ERBIN: variants seen among roughly 807,000 people sequenced by gnomAD.
ERBIN encodes densin-180-like protein.
A neutral mutation model predicts 158.4 loss-of-function variants in ERBIN; 60 were observed. The ratio of observed to expected loss-of-function variants is 0.38; its 90% CI spans 0.31 to 0.47. The LOEUF is 0.47. ERBIN is among the 20% of genes least tolerant of loss of function. The pLI is 0.99. For missense variants in ERBIN, 1,610 were observed against 1,648.0 expected (o/e 0.98, Z 0.40); for synonymous variants, 594 against 557.2 (o/e 1.07, Z -0.93).
At chr5:66,050,994 A>G in intron 20 of ERBIN, 28 bp downstream of exon 20, 2 of 1,455,046 alleles carry the variant, frequency 1.4e-6, no homozygotes, top group East Asian at 2.3e-5. Context: ...ACAGTTTTTT[A>G]TTTATACAAT....
chr5:66,076,547 CT>C, intron 24 of ERBIN, 139 bp downstream of exon 24: 1 of 712,312 alleles, frequency 1.4e-6, no homozygotes, highest in South Asian at 1.7e-5. Context: ...TATTGCTTAC[CT>C]TTTTGTTTTG....
At chr5:66,022,447 T>G (rs78709807) in intron 8 of ERBIN, among the ~76,000 whole-genome samples, 1,700 of 152,306 alleles carry the variant, frequency 0.011, 26 homozygotes, top group African/African-American at 0.038. Context: ...AAGTTACATC[T>G]GGGATTCTTA....
intron 1 of ERBIN, among the ~76,000 whole-genome samples, chr5:65,985,081 G>A (rs1216393205): frequency 1.3e-5 from 2 of 152,134 alleles, no homozygotes; most frequent in East Asian, 3.9e-4. Context: ...TTGGAAAAAG[G>A]AATCACATGA....
At chr5:65,956,571 G>T (rs1747168594) in intron 1 of ERBIN, among the ~76,000 whole-genome samples, 1 of 150,562 alleles carries the variant, frequency 6.6e-6, no homozygotes, top group Admixed American at 6.6e-5. Flanking sequence ...GGTACAGATG[G>T]TGTTTTGCCA....
Position 66,053,532 on chromosome 5 carries a change from A to G in ERBIN, c.2214A>G (p.Glu738=). 6.2e-7 allele frequency: 1 copy of G among 1,611,788 alleles called. No individual in the cohort carries two copies. The highest frequency in any genetic ancestry group is 1.1e-5 in the South Asian group (1 of 90,748). Residue 738 remains glutamate (E), a synonymous_variant, in exon 21 of 26, where the codon GAA becomes GAG. Coordinates refer to ENST00000284037, the MANE Select transcript of ERBIN (RefSeq NM_001253697.2). The part of the protein sequence containing the change: ...FNLPEYDLNV[E]ERLVLIEKSV... ...TACCTGAATATGATTTGAATGTTGA[A>G]GAGCGATTAGTTCTAATTGAGAAAA...
rs1554065281 is a variant in ERBIN, at chr5:66,051,907, A to AAAAAAAAAAAAAAAAAAAAG, written c.2087+942_2087+943insAAAAAAAAAAAAAAAAAAGA. Among the ~76,000 whole-genome samples, 134 of 148,826 alleles carry AAAAAAAAAAAAAAAAAAAAG rather than the reference A, an allele frequency of 9.0e-4. 1 individual carries two copies. Among genetic ancestry groups the AAAAAAAAAAAAAAAAAAAAG allele is most frequent in the African/African-American group, 3.3e-3 (129 of 39,112 alleles). On this transcript the variant is annotated intron_variant, in intron 20 of 25. Coordinates refer to ENST00000284037, the MANE Select transcript of ERBIN (RefSeq NM_001253697.2). ...TAGGCCTTGTCTCAAAAAAAAAAAA[A>AAAAAAAAAAAAAAAAAAAAG]AGAGACAGATTGGGGTTGGCTGGAT...
At chr5:65,927,967 T>C (rs1038163188) in intron 1 of ERBIN, among the ~76,000 whole-genome samples, 2 of 152,210 alleles carry the variant, frequency 1.3e-5, no homozygotes, top group African/African-American at 4.8e-5. Flanking sequence ...TGAATATATA[T>C]TGAATAAATT....
At chr5:66,024,188 T>G (rs924422306) in intron 9 of ERBIN, 118 bp from the exon 10 acceptor site, 84 of 676,696 alleles carry the variant, frequency 1.2e-4, no homozygotes, top group Non-Finnish European at 1.9e-4. Context: ...CCTGGGAGTC[T>G]TCTTTCTTGT....
At chr5:66,010,855 C>T (rs1054194622) in intron 4 of ERBIN, among the ~76,000 whole-genome samples, 1 of 152,090 alleles carries the variant, frequency 6.6e-6, no homozygotes, top group African/African-American at 2.4e-5. Context: ...GATCTGTGGA[C>T]CAATGGTAGT....
chr5:65,983,285 C>T (rs1012610753), intron 1 of ERBIN, among the ~76,000 whole-genome samples: 19 of 152,242 alleles, frequency 1.2e-4, no homozygotes, highest in African/African-American at 4.6e-4. Flanking sequence ...TAGCCATCAA[C>T]ATCTTTTCCT....
At chr5:66,010,558 A>G (rs1297489672) in intron 4 of ERBIN, among the ~76,000 whole-genome samples, 2 of 152,128 alleles carry the variant, frequency 1.3e-5, no homozygotes, top group African/African-American at 2.4e-5. Flanking sequence ...TTTGACTGAA[A>G]CAGTTACTAC....
At position 66,080,587 on chromosome 5, in the gene ERBIN, T is replaced by G. The variant is rs982957069; in HGVS notation, c.*2057T>G. 7.9e-5 allele frequency: 12 copies of G among 152,224 alleles called. No individual in the cohort carries two copies. The highest frequency in any genetic ancestry group is 6.5e-4 in the Admixed American group (10 of 15,298). 9.4% of individuals were successfully genotyped at this position (152,224 alleles called of 1,614,324 possible). ...TTGGCATTCTAAAATAGCTAACATT[T>G]CTTTTATTGATTTCAGATTTTCACA... On this transcript the variant is annotated 3_prime_UTR_variant, in exon 26 of 26. Coordinates refer to ENST00000284037, the MANE Select transcript of ERBIN (RefSeq NM_001253697.2).
chr5:65,949,803 A>C (rs1365198886), intron 1 of ERBIN, among the ~76,000 whole-genome samples: 4 of 152,180 alleles, frequency 2.6e-5, no homozygotes, highest in Non-Finnish European at 5.9e-5. Context: ...CCAGTGTAAG[A>C]GACCATGTTG....
intron 7 of ERBIN, among the ~76,000 whole-genome samples, chr5:66,018,073 A>T (rs74875539): frequency 0.011 from 1,695 of 151,932 alleles, 26 homozygotes; most frequent in African/African-American, 0.038. Flanking sequence ...TTTGATTACT[A>T]TGGCTTTGTA....
rs115726262 is a variant in ERBIN at position 65,959,842 on chromosome 5, C to T, written c.-57-28793C>T. Among the ~76,000 whole-genome samples, 1,117 of 152,220 alleles carry T rather than the reference C, an allele frequency of 7.3e-3. 20 individuals are homozygous for T. Among genetic ancestry groups the T allele is most frequent in the African/African-American group, 0.026 (1,068 of 41,534 alleles). On this transcript the variant is annotated intron_variant, in intron 1 of 25. Transcript: ENST00000284037. ...ATTTTTTCTTGACTGGAACAAAGAA[C>T]ACGTGACAGACAAAAATGTTAGAAT...
intron 7 of ERBIN, among the ~76,000 whole-genome samples, chr5:66,015,532 C>A (rs956662228): frequency 1.3e-5 from 2 of 152,102 alleles, no homozygotes; most frequent in Admixed American, 1.3e-4. Flanking sequence ...TCACTGTAGG[C>A]CCTAAAATTT....
At chr5:65,963,918 G>C (rs1271658645) in intron 1 of ERBIN, among the ~76,000 whole-genome samples, 1 of 151,612 alleles carries the variant, frequency 6.6e-6, no homozygotes, top group African/African-American at 2.4e-5. Context: ...TCCTGCCTCA[G>C]CTTCCCGAGT....
At chr5:66,051,734 A>G (rs1017706905) in intron 20 of ERBIN, among the ~76,000 whole-genome samples, 5 of 151,892 alleles carry the variant, frequency 3.3e-5, no homozygotes, top group African/African-American at 1.2e-4. Flanking sequence ...TCTACCAAAA[A>G]AAGTACAAAA....
Position 65,998,231 on chromosome 5 carries a change from A to AT in ERBIN, c.307+3367_307+3368insT, listed in dbSNP as rs1554055290. Among the ~76,000 whole-genome samples, 516 of 149,192 alleles carry AT rather than the reference A, an allele frequency of 3.5e-3. 4 individuals are homozygous for AT. Among genetic ancestry groups the AT allele is most frequent in the African/African-American group, 9.8e-3 (398 of 40,746 alleles). ...CGACACAGCAAGACTCTCAAAAAAA[A>AT]ATATATATATATAGATATATATATA... On this transcript the variant is annotated intron_variant, in intron 4 of 25. Transcript: ENST00000284037.
Sources: gnomAD v4.1 joint callset for allele counts (sites outside exome capture counted in the v4.1 genomes callset) on GRCh38, gnomAD v4.1.1 for gene constraint, MANE v1.5 for transcripts, NCBI Gene and HGNC (gene_info 2026-07-23, HGNC 2026-07-21) for gene names.